The following TNFAIP8 variants were observed in gnomAD, a reference collection of about 807,000 sequenced individuals.
The protein encoded by TNFAIP8 is TNF alpha induced protein 8.
TNFAIP8 carries 7 observed loss-of-function variants against 13.3 expected under a neutral mutation model. The ratio of observed to expected loss-of-function variants is 0.52; its 90% confidence interval spans 0.30 to 0.99. The LOEUF (loss-of-function observed/expected upper bound fraction) is 0.99, where lower values mean the gene tolerates loss of function less well. TNFAIP8 is among the 50% of genes least tolerant of loss of function. TNFAIP8 has a pLI of 0.07. For synonymous variants in TNFAIP8, 94 were observed against 87.6 expected (o/e 1.07, Z -0.41); for missense variants, 258 against 236.9 (o/e 1.09, Z -0.58).
chr5:119,287,309 T>A (rs1358887031), intron 1 of TNFAIP8, among the ~76,000 whole-genome samples: 1 of 118,516 alleles, frequency 8.4e-6, no homozygotes. Context: ...TTGCTTTTTT[T>A]CCCCAGCTTT....
At chr5:119,282,668 T>G (rs1581567237) in intron 1 of TNFAIP8, among the ~76,000 whole-genome samples, 2 of 152,324 alleles carry the variant, frequency 1.3e-5, no homozygotes, top group East Asian at 3.9e-4. Context: ...CCTTCCTGGG[T>G]TTCACAGCCT....
intron 1 of TNFAIP8, among the ~76,000 whole-genome samples, chr5:119,364,854 T>G (rs257891): frequency 0.062 from 4,018 of 64,582 alleles, 104 homozygotes; most frequent in South Asian, 0.12. Context: ...TTTTTTTTTT[T>G]TTTTTTTTTT....
chr5:119,306,018 A>G (rs1749541457), intron 1 of TNFAIP8, among the ~76,000 whole-genome samples: 1 of 152,006 alleles, frequency 6.6e-6, no homozygotes, highest in Non-Finnish European at 1.5e-5. Context: ...CCTGCCCTCA[A>G]CCCCGCTGCC....
chr5:119,289,176 T>G (rs1321824470), intron 1 of TNFAIP8, among the ~76,000 whole-genome samples: 1 of 152,262 alleles, frequency 6.6e-6, no homozygotes, highest in East Asian at 1.9e-4. Flanking sequence ...TTACTATACT[T>G]ATTGTATACA....
intron 1 of TNFAIP8, among the ~76,000 whole-genome samples, chr5:119,301,070 C>T (rs1749375767): frequency 6.6e-6 from 1 of 152,206 alleles, no homozygotes; most frequent in Admixed American, 6.5e-5. Context: ...GCAAGATTAT[C>T]ATAAGTCTCC....
intron 1 of TNFAIP8, among the ~76,000 whole-genome samples, chr5:119,326,496 C>T (rs932589265): frequency 4.6e-5 from 7 of 152,140 alleles, no homozygotes; most frequent in African/African-American, 1.7e-4. Context: ...CTGGGGACTG[C>T]TTTAAGTCCT....
chr5:119,331,078 C>G (rs1581610215), intron 1 of TNFAIP8, among the ~76,000 whole-genome samples: 1 of 152,150 alleles, frequency 6.6e-6, no homozygotes, highest in African/African-American at 2.4e-5. Flanking sequence ...TCCTGGCTGC[C>G]TCCACTCTCC....
intron 1 of TNFAIP8, among the ~76,000 whole-genome samples, chr5:119,369,768 T>A (rs1752005865): frequency 6.6e-6 from 1 of 152,198 alleles, no homozygotes; most frequent in South Asian, 2.1e-4. Flanking sequence ...TAGGAAGGCT[T>A]GGTAGGACCT....
intron 1 of TNFAIP8, among the ~76,000 whole-genome samples, chr5:119,364,590 C>T (rs1168985557): frequency 1.3e-5 from 2 of 152,132 alleles, no homozygotes; most frequent in Non-Finnish European, 2.9e-5. Flanking sequence ...TCAAGCAGTC[C>T]TCCCACCTTG....
chr5:119,296,004 T>G (rs1186649526), intron 1 of TNFAIP8, among the ~76,000 whole-genome samples: 1 of 150,552 alleles, frequency 6.6e-6, no homozygotes, highest in Non-Finnish European at 1.5e-5. Context: ...TGAAGTTGCT[T>G]ATCAGCTTAA....
At chr5:119,355,913 C>A, upstream of TNFAIP8, 1 of 1,339,034 alleles carries the variant, frequency 7.5e-7, no homozygotes, top group Non-Finnish European at 9.8e-7. Context: ...TCTTGCAGAA[C>A]TTTCCCCCTG....
intron 1 of TNFAIP8, among the ~76,000 whole-genome samples, chr5:119,359,883 C>T (rs1350951923): frequency 6.6e-6 from 1 of 152,172 alleles, no homozygotes; most frequent in Non-Finnish European, 1.5e-5. Flanking sequence ...TCTTAAACAC[C>T]GGACTTTGAC....
In TNFAIP8 at chr5:119,295,606, T is replaced by G. The variant is rs371269614; in HGVS notation, c.1+26699T>G. Reference sequence around the variant, plus strand: ...TCTTTTGGCTTAGGATTGACTTGGCTATGCGGGCTCTTTTTTGGTTCCATA... The same window carrying G: ...TCTTTTGGCTTAGGATTGACTTGGCGATGCGGGCTCTTTTTTGGTTCCATA... On this transcript the variant is annotated intron_variant, in intron 1 of 1. Coordinates refer to the TNFAIP8 transcript ENST00000274456. Among the ~76,000 whole-genome samples the G allele has an allele frequency of 4.3e-3, 649 of 152,064 alleles. 4 individuals are homozygous for G. Among genetic ancestry groups the G allele is most frequent in the Non-Finnish European group, 4.8e-3 (328 of 67,944 alleles).
At chr5:119,325,285 T>A (rs1750187393) in intron 1 of TNFAIP8, among the ~76,000 whole-genome samples, 1 of 152,214 alleles carries the variant, frequency 6.6e-6, no homozygotes, top group African/African-American at 2.4e-5. Flanking sequence ...TGTGGAGTTT[T>A]AAGGTTTTTG....
In TNFAIP8 at chr5:119,372,561, T is replaced by C. The variant is rs189599110; in HGVS notation, c.31+16440T>C. ...TAGCTTTGTTAAATGGCCACCGCTA[T>C]GTGTGCAGATTTTATAAAGGCTCCA... On this transcript the variant is annotated intron_variant, in intron 1 of 1. Transcript: ENST00000504771. 3.3e-3 allele frequency among the ~76,000 whole-genome samples: 497 copies of C among 152,372 alleles called. 3 individuals are homozygous for C. The highest frequency in any genetic ancestry group is 0.011 in the African/African-American group (464 of 41,590).
chr5:119,308,398 T>A (rs1001222159), intron 1 of TNFAIP8, among the ~76,000 whole-genome samples: 9 of 151,508 alleles, frequency 5.9e-5, no homozygotes, highest in African/African-American at 1.9e-4. Flanking sequence ...CCACCTTTTT[T>A]TTTTTTTTTT....
chr5:119,358,175 CT>C (rs1186844290), intron 1 of TNFAIP8, among the ~76,000 whole-genome samples: 3 of 148,362 alleles, frequency 2.0e-5, no homozygotes, highest in African/African-American at 7.5e-5. Flanking sequence ...TTAAGAATGT[CT>C]GTATTGCAAG....
At chr5:119,353,523 A>T (rs546419805), upstream of TNFAIP8, among the ~76,000 whole-genome samples, 2 of 152,234 alleles carry the variant, frequency 1.3e-5, no homozygotes, top group Admixed American at 1.3e-4. Flanking sequence ...GAGCTAAAAC[A>T]GAGCATTCTT....
At chr5:119,306,798 T>G (rs1749581408) in intron 1 of TNFAIP8, among the ~76,000 whole-genome samples, 2 of 152,206 alleles carry the variant, frequency 1.3e-5, no homozygotes, top group Non-Finnish European at 2.9e-5. Context: ...GTTTCAGAAG[T>G]AATATGTATT....
Sources: gnomAD v4.1 joint callset for allele counts (sites outside exome capture counted in the v4.1 genomes callset) on GRCh38, gnomAD v4.1.1 for gene constraint, MANE v1.5 for transcripts, NCBI Gene and HGNC (gene_info 2026-07-23, HGNC 2026-07-21) for gene names.